MAD1L1: variants seen among roughly 807,000 people sequenced by gnomAD.
MAD1L1 encodes the protein mitotic arrest deficient 1 like 1, also known as mitotic spindle assembly checkpoint protein MAD1.
In MAD1L1, 95 loss-of-function variants were observed where a neutral mutation model predicts 96.9. That is an observed-to-expected ratio of 0.98 (90% confidence interval 0.83 to 1.16). The LOEUF (loss-of-function observed/expected upper bound fraction) is 1.16, where lower values mean the gene tolerates loss of function less well. Ranked by LOEUF, MAD1L1 falls within the 50% of genes most tolerant of loss-of-function variation. The probability of loss-of-function intolerance (pLI) is 0.00; values close to 1 mark genes in which losing one functional copy is unlikely to be tolerated. For synonymous variants in MAD1L1, 473 were observed against 396.6 expected, an observed-to-expected ratio of 1.19 and a Z score of -2.29; for missense variants, 1,007 against 954.4, an observed-to-expected ratio of 1.06 and a Z score of -0.73.
chr7:1,871,545 C>T (rs1340591939), intron 18 of MAD1L1, among the ~76,000 whole-genome samples: 1 of 149,864 alleles, frequency 6.7e-6, no homozygotes, highest in African/African-American at 2.5e-5. Flanking sequence ...CCAACATATG[C>T]CTGCCACGCT....
chr7:2,230,882 T>G (rs532778204), intron 1 of MAD1L1, 155 bp from the exon 2 acceptor site: 1 of 152,400 alleles, frequency 6.6e-6, no homozygotes, highest in Non-Finnish European at 1.5e-5. Context: ...CCACTCAGAC[T>G]CCCAAGCTCA....
At chr7:2,207,808 G>A (rs1792679522) in intron 10 of MAD1L1, among the ~76,000 whole-genome samples, 1 of 152,220 alleles carries the variant, frequency 6.6e-6, no homozygotes, top group Non-Finnish European at 1.5e-5. Context: ...AAGAGGAAGA[G>A]AAGAAAACCG....
At chr7:1,962,281 G>C (rs961392143) in intron 15 of MAD1L1, among the ~76,000 whole-genome samples, 2 of 152,216 alleles carry the variant, frequency 1.3e-5, no homozygotes, top group Admixed American at 6.5e-5. Context: ...CTGCCACCAT[G>C]TAAGATGTGC....
intron 11 of MAD1L1, among the ~76,000 whole-genome samples, chr7:2,074,275 C>T (rs962453107): frequency 5.3e-5 from 8 of 152,044 alleles, no homozygotes; most frequent in Non-Finnish European, 8.8e-5. Context: ...AATCTCACGG[C>T]GGGTGCAGGT....
In MAD1L1 at chr7:2,060,274, CCGAGA is replaced by C. The variant is rs1784592401; in HGVS notation, c.1218+8915_1218+8919del. Among the ~76,000 whole-genome samples the C allele has an allele frequency of 4.2e-5, 4 of 95,270 alleles. No individual in the cohort carries two copies. The South Asian group carries it at 1.9e-3, about 45-fold the overall frequency. 62.5% of individuals were successfully genotyped at this position (95,270 alleles called of 152,430 possible). On this transcript the variant is annotated intron_variant, in intron 12 of 18. Coordinates refer to ENST00000265854, the MANE Select transcript of MAD1L1 (RefSeq NM_001013836.2). ...ACGCCGATGCCGAGATACGCCGATG[CCGAGA>C]TACGCCGATCCCGAGATACGCCGAT...
Position 2,103,699 on chromosome 7 carries a change from G to A in MAD1L1, c.1074-34361C>T, listed in dbSNP as rs1786938251. Among the ~76,000 whole-genome samples the A allele has an allele frequency of 2.6e-5, 4 of 152,298 alleles. No homozygotes were observed. Among genetic ancestry groups the A allele is most frequent in the South Asian group, 4.2e-4 (2 of 4,816 alleles). On this transcript the variant is annotated intron_variant, in intron 11 of 18. Transcript: ENST00000265854. The surrounding 1 kb of genome is among the most constrained non-coding windows in gnomAD (Gnocchi z 4.3). ...GCGGCCACGAGGAGGAGCCAGGGAG[G>A]CGGCTACTCAGAGGGCAGGTGCTGT... is the stretch of plus-strand genomic sequence containing the variant.
intron 18 of MAD1L1, among the ~76,000 whole-genome samples, chr7:1,893,622 G>C (rs571443305): frequency 6.6e-6 from 1 of 152,128 alleles, no homozygotes; most frequent in African/African-American, 2.4e-5. Context: ...CAGGAGGGTA[G>C]CTCAGGGAAG....
intron 18 of MAD1L1, chr7:1,872,702 C>T (rs1045772142): frequency 1.3e-5 from 2 of 152,230 alleles, no homozygotes; most frequent in Non-Finnish European, 2.9e-5. Context: ...CTGGACCGTG[C>T]CTCTCTCATC....
intron 11 of MAD1L1, among the ~76,000 whole-genome samples, chr7:2,077,238 A>T (rs1785424050): frequency 6.6e-6 from 1 of 152,236 alleles, no homozygotes; most frequent in South Asian, 2.1e-4. Context: ...AAACTAGGAA[A>T]ATACTAATAA....
At chr7:2,105,163 ACCGCACCGTC>A (rs1257871308) in intron 11 of MAD1L1, among the ~76,000 whole-genome samples, 1 of 151,876 alleles carries the variant, frequency 6.6e-6, no homozygotes, top group Admixed American at 6.6e-5. Context: ...GGCCACAAAC[ACCGCACCGTC>A]CTGCTTGGGG....
At chr7:1,824,334 T>C (rs193172032) in intron 18 of MAD1L1, among the ~76,000 whole-genome samples, 1 of 136,890 alleles carries the variant, frequency 7.3e-6, no homozygotes, top group Non-Finnish European at 1.6e-5. Context: ...TGCGTGACCC[T>C]GGGCACACCG....
chr7:1,896,340 G>A (rs1340431501), intron 18 of MAD1L1, among the ~76,000 whole-genome samples: 1 of 152,232 alleles, frequency 6.6e-6, no homozygotes, highest in East Asian at 1.9e-4. Flanking sequence ...AGGGCCGGGG[G>A]AGCTGAGATG....
chr7:1,972,823 G>T (rs534390011), intron 15 of MAD1L1, among the ~76,000 whole-genome samples: 11 of 152,108 alleles, frequency 7.2e-5, no homozygotes, highest in African/African-American at 2.7e-4. Context: ...TCTCAGCACC[G>T]GTCTAGCTGG....
intron 18 of MAD1L1, among the ~76,000 whole-genome samples, chr7:1,824,012 G>C (rs1463193417): frequency 6.6e-6 from 1 of 152,178 alleles, no homozygotes; most frequent in African/African-American, 2.4e-5. Context: ...GGGGGACGGA[G>C]AGCGGGAAGC....
intron 14 of MAD1L1, among the ~76,000 whole-genome samples, chr7:1,988,729 TG>T (rs1781273016): frequency 1.3e-5 from 2 of 152,188 alleles, no homozygotes; most frequent in African/African-American, 4.8e-5. Flanking sequence ...GGCAAAAGCC[TG>T]GAGGACAGGA....
intron 14 of MAD1L1, among the ~76,000 whole-genome samples, chr7:1,989,538 C>G (rs1002961346): frequency 6.6e-5 from 10 of 152,248 alleles, no homozygotes; most frequent in Non-Finnish European, 1.2e-4. Context: ...GGAGCTCGCA[C>G]AGCAGCATGT....
chr7:1,909,739 C>T (rs1308871664), intron 17 of MAD1L1, among the ~76,000 whole-genome samples: 4 of 152,244 alleles, frequency 2.6e-5, no homozygotes, highest in African/African-American at 7.2e-5. Context: ...GACGCCACCA[C>T]CTGCCAGCCA....
At chr7:1,911,101 G>A (rs1787989350) in intron 17 of MAD1L1, among the ~76,000 whole-genome samples, 1 of 152,052 alleles carries the variant, frequency 6.6e-6, no homozygotes, top group Admixed American at 6.5e-5. Context: ...TACTCCCACA[G>A]TTCCCGCTCC....
intron 17 of MAD1L1, among the ~76,000 whole-genome samples, chr7:1,919,933 A>G (rs1470278112): frequency 6.6e-6 from 1 of 152,104 alleles, no homozygotes; most frequent in African/African-American, 2.4e-5. Context: ...GGCAGGGCGG[A>G]GTCAGCCTTA....
Sources: gnomAD v4.1 joint callset for allele counts (sites outside exome capture counted in the v4.1 genomes callset) on GRCh38, gnomAD v4.1.1 for gene constraint, Gnocchi (gnomAD v3.1) non-coding constraint, MANE v1.5 for transcripts, NCBI Gene and HGNC (gene_info 2026-07-23, HGNC 2026-07-21) for gene names.